Variants in OPCML observed in about 807,000 individuals in gnomAD.
OPCML encodes opioid-binding protein/cell adhesion molecule.
A neutral mutation model predicts 37.8 loss-of-function variants in OPCML; 13 were observed. That is an observed-to-expected ratio of 0.34 (90% CI 0.22 to 0.55). The LOEUF (loss-of-function observed/expected upper bound fraction) is 0.55, where lower values mean the gene tolerates loss of function less well. Ranked by LOEUF, OPCML falls within the 20% of genes least tolerant of loss-of-function variation. The pLI is 0.91. For synonymous variants in OPCML, 176 were observed against 168.8 expected (o/e 1.04, Z -0.33); for missense variants, 341 against 435.6 (o/e 0.78, Z 1.93).
intron 4 of OPCML, among the ~76,000 whole-genome samples, chr11:132,527,268 G>A (rs149947760): frequency 1.3e-3 from 192 of 152,218 alleles, no homozygotes; most frequent in African/African-American, 4.0e-3. Context: ...TTGCTGGGTC[G>A]TACGCTAAGT....
chr11:133,282,799 T>G (rs1942194023), intron 1 of OPCML, among the ~76,000 whole-genome samples: 1 of 152,280 alleles, frequency 6.6e-6, no homozygotes, highest in East Asian at 1.9e-4. Context: ...AGCCCACCCA[T>G]TGTACCAGTG....
Position 132,436,220 on chromosome 11 carries a change from T to C in OPCML, c.782A>G (p.Asp261Gly). 2 of 1,614,222 alleles carry C rather than the reference T, an allele frequency of 1.2e-6. No homozygotes were observed. The highest frequency in any genetic ancestry group is 1.7e-6 in the Non-Finnish European group (2 of 1,180,042). Residue 261 changes from aspartate (D) to glycine (G), a missense_variant, in exon 7 of 8, where the codon GAT (aspartate) becomes GGT (glycine). Asp to Gly is a moderately conservative substitution (Grantham distance 94, BLOSUM62 -1). Transcript: ENST00000524381. ...KEETRLATGLDGMRIENKGRM... is the reference protein window; with the variant it reads ...KEETRLATGLGGMRIENKGRM... ...GCCTTTGTTTTCAATCCTCATTCCATCCAGACCAGTGGCTAACCTGCAAGA... is the reference window on the plus strand; with the variant it reads ...GCCTTTGTTTTCAATCCTCATTCCACCCAGACCAGTGGCTAACCTGCAAGA...
intron 3 of OPCML, among the ~76,000 whole-genome samples, chr11:132,628,364 A>C (rs1433502337): frequency 6.6e-6 from 1 of 152,198 alleles, no homozygotes; most frequent in Non-Finnish European, 1.5e-5. Flanking sequence ...TTTACTGGCA[A>C]CAAAAAAAAT....
intron 1 of OPCML, among the ~76,000 whole-genome samples, chr11:133,477,314 C>T (rs368146239): frequency 6.6e-6 from 1 of 152,290 alleles, no homozygotes; most frequent in East Asian, 1.9e-4. Context: ...CTTGTCTCTG[C>T]AGAATGGGTG....
chr11:132,933,796 T>G (rs756666107), intron 2 of OPCML, among the ~76,000 whole-genome samples: 4 of 152,092 alleles, frequency 2.6e-5, no homozygotes, highest in Non-Finnish European at 5.9e-5. Flanking sequence ...AGGAATATCT[T>G]TAGAGATGGC....
intron 3 of OPCML, among the ~76,000 whole-genome samples, chr11:132,625,050 A>G (rs1939655908): frequency 6.6e-6 from 1 of 152,098 alleles, no homozygotes; most frequent in African/African-American, 2.4e-5. Flanking sequence ...CCCCCAAAAT[A>G]ATATGTTTAA....
At chr11:133,109,672 C>A (rs922000115) in intron 1 of OPCML, among the ~76,000 whole-genome samples, 1 of 152,178 alleles carries the variant, frequency 6.6e-6, no homozygotes, top group Admixed American at 6.5e-5. Context: ...TTCACCATGA[C>A]CCCAAAAGAG....
chr11:133,449,716 G>A (rs1267910863), intron 1 of OPCML, among the ~76,000 whole-genome samples: 2 of 151,712 alleles, frequency 1.3e-5, no homozygotes, highest in African/African-American at 4.9e-5. Context: ...CTTGTCATTG[G>A]AAATGGGGTT....
At chr11:132,599,087 T>G (rs1937646093) in intron 3 of OPCML, among the ~76,000 whole-genome samples, 1 of 152,142 alleles carries the variant, frequency 6.6e-6, no homozygotes, top group African/African-American at 2.4e-5. Context: ...AAGATGAGCC[T>G]GGCCAACATA....
At chr11:133,441,721 A>T (rs1371347481) in intron 1 of OPCML, among the ~76,000 whole-genome samples, 1 of 152,172 alleles carries the variant, frequency 6.6e-6, no homozygotes, top group Non-Finnish European at 1.5e-5. Context: ...GAAGAATTAT[A>T]AACTTCCTTA....
rs368372874 is a variant in OPCML, at chr11:132,535,788, C to T, written c.380-6602G>A. Among the ~76,000 whole-genome samples, 52 of 152,150 alleles carry T rather than the reference C, an allele frequency of 3.4e-4. No homozygotes were observed. In the South Asian group the frequency reaches 0.01, roughly 30 times the overall value. ...GTGTGCAGGTGAGTTCTGGATCTTG[C>T]GGTTTCCTCCCCTAGGAGGAGTGTT... On this transcript the variant is annotated intron_variant, in intron 3 of 7. Transcript: ENST00000524381.
rs531920403 is a variant in OPCML at position 133,014,035 on chromosome 11, C to G, written c.62-71025G>C. Among the ~76,000 whole-genome samples the G allele has an allele frequency of 2.0e-5, 3 of 152,290 alleles. No homozygotes were observed. The South Asian group carries it at 6.2e-4, about 32-fold the overall frequency. On this transcript the variant is annotated intron_variant, in intron 1 of 7. Transcript: ENST00000524381. ...ACCGCTAGGAAGAATGAAGGTTAAC[C>G]ACTGAAGACAACTTTACATTCTTAT...
intron 2 of OPCML, among the ~76,000 whole-genome samples, chr11:132,706,058 G>A (rs1017585525): frequency 2.6e-5 from 4 of 152,108 alleles, no homozygotes; most frequent in East Asian, 3.9e-4. Flanking sequence ...CACACACCTC[G>A]GCCTCCCAAA....
At chr11:132,908,792 T>C (rs992608640) in intron 2 of OPCML, among the ~76,000 whole-genome samples, 1 of 152,266 alleles carries the variant, frequency 6.6e-6, no homozygotes, top group South Asian at 2.1e-4. Flanking sequence ...TAAGTGATGA[T>C]AGAGGAGCCT....
At chr11:133,101,844 A>G (rs551793136) in intron 1 of OPCML, among the ~76,000 whole-genome samples, 1 of 152,330 alleles carries the variant, frequency 6.6e-6, no homozygotes, top group African/African-American at 2.4e-5. Context: ...GTGAATGGAT[A>G]AACTGTGGTA....
At chr11:133,514,597 A>G (rs61255508) in intron 1 of OPCML, among the ~76,000 whole-genome samples, 6,606 of 152,280 alleles carry the variant, frequency 0.043, 194 homozygotes, top group South Asian at 0.098. Context: ...TTAAATATTT[A>G]GGACAATTCT....
intron 1 of OPCML, among the ~76,000 whole-genome samples, chr11:133,167,239 CATCATT>C (rs1950220438): frequency 6.6e-6 from 1 of 152,126 alleles, no homozygotes. Context: ...CCCTCATCAT[CATCATT>C]ATTATTTTAT....
In OPCML at chr11:132,753,003, G is replaced by GT. The variant is rs201347860; in HGVS notation, c.147-95685dup. Reference sequence around the variant, plus strand: ...GGCTCTTTACATCCAATCTTGATTTGTTTTTTTTGGTGTAATAATTTATAG... The same window carrying GT: ...GGCTCTTTACATCCAATCTTGATTTGTTTTTTTTTGGTGTAATAATTTATAG... On this transcript the variant is annotated intron_variant, in intron 2 of 7. Transcript: ENST00000524381. Among the ~76,000 whole-genome samples the GT allele has an allele frequency of 4.3e-3, 654 of 151,696 alleles. 7 individuals carry two copies. The highest frequency in any genetic ancestry group is 0.014 in the African/African-American group (586 of 41,356).
rs565399749 is a variant in OPCML at position 133,330,080 on chromosome 11, A to G, written c.61+202184T>C. On this transcript the variant is annotated intron_variant, in intron 1 of 7. Transcript: ENST00000524381. Reference sequence around the variant, plus strand: ...ATTTATGCAGCCAAAACAACACATGAAAAAATGCTCATCATCACTGGCCAT... The same window carrying G: ...ATTTATGCAGCCAAAACAACACATGGAAAAATGCTCATCATCACTGGCCAT... Among the ~76,000 whole-genome samples the G allele has an allele frequency of 2.6e-5, 4 of 152,364 alleles. No homozygotes were observed. In the South Asian group the frequency reaches 6.2e-4, roughly 24 times the overall value.
Sources: gnomAD v4.1 joint callset for allele counts (sites outside exome capture counted in the v4.1 genomes callset) on GRCh38, gnomAD v4.1.1 for gene constraint, MANE v1.5 for transcripts, NCBI Gene and HGNC (gene_info 2026-07-23, HGNC 2026-07-21) for gene names.